The following UNC13C variants were observed in gnomAD, a reference collection of about 807,000 sequenced individuals.
The protein encoded by UNC13C is protein unc-13 homolog C.
Under a neutral mutation model 245.4 loss-of-function variants are expected in UNC13C, and 174 were observed. The observed-to-expected ratio is 0.71, with a 90% confidence interval of 0.63 to 0.80. The LOEUF (loss-of-function observed/expected upper bound fraction) is 0.80, where lower values mean the gene tolerates loss of function less well. Ranked by LOEUF, UNC13C falls within the 30% of genes least tolerant of loss-of-function variation. UNC13C has a pLI of 0.00. For synonymous variants in UNC13C, 992 were observed against 895.1 expected (o/e 1.11, Z -1.93); for missense variants, 2,829 against 2,602.9 (o/e 1.09, Z -1.89).
intron 8 of UNC13C, among the ~76,000 whole-genome samples, chr15:54,251,971 T>C (rs751407234): frequency 1.1e-4 from 16 of 152,198 alleles, no homozygotes; most frequent in Non-Finnish European, 1.9e-4. Flanking sequence ...TATTCTTTAT[T>C]TGAAAAATAA....
rs895569622 is a variant in UNC13C at position 54,292,382 on chromosome 15, G to A, written c.3819-1513G>A. Among the ~76,000 whole-genome samples the A allele has an allele frequency of 8.6e-5, 13 of 151,984 alleles. No homozygotes were observed. The East Asian group carries it at 1.4e-3, about 16-fold the overall frequency. ...GCCTATTCCACTGAATGCCAGTAAC[G>A]TCCGTGAATGTTCGTGAAAACCAAA... On this transcript the variant is annotated intron_variant, in intron 10 of 32. Coordinates refer to ENST00000260323, the MANE Select transcript of UNC13C (RefSeq NM_001080534.3).
chr15:54,552,389 A>G (rs1314024420), intron 28 of UNC13C, among the ~76,000 whole-genome samples: 1 of 97,720 alleles, frequency 1.0e-5, no homozygotes, highest in East Asian at 2.6e-4. Context: ...AGCATATAAT[A>G]TAATATATAA....
intron 10 of UNC13C, among the ~76,000 whole-genome samples, chr15:54,283,018 G>A (rs12441610): frequency 0.054 from 8,187 of 152,178 alleles, 494 homozygotes; most frequent in East Asian, 0.22. Context: ...ACATGAAAAC[G>A]TAGAAAACCA....
At chr15:53,838,709 T>G in the UNC13C span, among the ~76,000 whole-genome samples, 14 of 152,144 alleles carry the variant, frequency 9.2e-5, no homozygotes, top group South Asian at 2.7e-3. Flanking sequence ...TGACCTATAA[T>G]TTTTTGTTCT....
chr15:54,298,368 A>G (rs1483659618), intron 12 of UNC13C, among the ~76,000 whole-genome samples: 1 of 152,188 alleles, frequency 6.6e-6, no homozygotes, highest in African/African-American at 2.4e-5. Context: ...TTTATTGAAG[A>G]TTTAATTAGG....
intron 17 of UNC13C, among the ~76,000 whole-genome samples, chr15:54,371,377 G>T (rs905637907): frequency 8.5e-5 from 13 of 152,060 alleles, no homozygotes; most frequent in African/African-American, 2.9e-4. Context: ...TAAGCTCTTA[G>T]GTCCAATTAA....
intron 30 of UNC13C, among the ~76,000 whole-genome samples, chr15:54,617,840 G>A (rs1327854357): frequency 1.3e-5 from 2 of 152,054 alleles, no homozygotes; most frequent in Non-Finnish European, 2.9e-5. Flanking sequence ...GAGGAGCTAT[G>A]GGGCAGATGA....
chr15:54,013,059 C>A lies in UNC13C; in HGVS notation c.156C>A (p.Ser52=). Residue 52 remains serine (S), a synonymous_variant, in exon 2 of 33, where the codon TCC becomes TCA. Coordinates refer to ENST00000260323, the MANE Select transcript of UNC13C (RefSeq NM_001080534.3). ...QDFPTAGQTK[S]PKFSYTFKST... is the part of the protein sequence containing the mutation. Reference sequence around the variant, plus strand: ...TCCCCACTGCTGGCCAGACCAAATCCCCCAAATTTTCTTACACTTTTAAAA... The same window carrying A: ...TCCCCACTGCTGGCCAGACCAAATCACCCAAATTTTCTTACACTTTTAAAA... 6.2e-7 allele frequency: 1 copy of A among 1,613,816 alleles called. No homozygotes were observed. Among genetic ancestry groups the A allele is most frequent in the Non-Finnish European group, 8.5e-7 (1 of 1,179,832 alleles).
chr15:53,863,269 C>T, the UNC13C span, among the ~76,000 whole-genome samples: 5 of 152,260 alleles, frequency 3.3e-5, no homozygotes, highest in South Asian at 6.2e-4. Context: ...GATGCTCTAC[C>T]CTCCAGGCTG....
At chr15:54,575,553 C>T (rs2141229313) in intron 30 of UNC13C, among the ~76,000 whole-genome samples, 1 of 150,300 alleles carries the variant, frequency 6.7e-6, no homozygotes, top group South Asian at 2.1e-4. Flanking sequence ...GGCAGAAAAA[C>T]TGTTCTCAAA....
the UNC13C span, among the ~76,000 whole-genome samples, chr15:53,970,128 CCTCA>C: frequency 6.6e-6 from 1 of 151,394 alleles, no homozygotes; most frequent in Non-Finnish European, 1.5e-5. Context: ...TTGGCTCACT[CCTCA>C]CTCCAACCTT....
chr15:53,909,535 C>T, the UNC13C span, among the ~76,000 whole-genome samples: 7 of 146,060 alleles, frequency 4.8e-5, 1 homozygote, highest in South Asian at 4.6e-4. Context: ...GGGTGGATCA[C>T]GAGGTCAGGA....
At chr15:54,048,546 G>A in intron 2 of UNC13C, 1 of 507,724 alleles carries the variant, frequency 2.0e-6, no homozygotes, top group Non-Finnish European at 3.8e-6. Context: ...CTCTTTAAAT[G>A]GAAGACTTTT....
intron 32 of UNC13C, among the ~76,000 whole-genome samples, chr15:54,625,937 T>A (rs1308559127): frequency 2.6e-5 from 4 of 152,120 alleles, no homozygotes; most frequent in African/African-American, 9.7e-5. Flanking sequence ...CCCCTAGACT[T>A]CCATTTTCTT....
At chr15:54,362,396 C>T (rs1263532552) in intron 17 of UNC13C, among the ~76,000 whole-genome samples, 1 of 152,206 alleles carries the variant, frequency 6.6e-6, no homozygotes, top group Admixed American at 6.5e-5. Flanking sequence ...ATGACTATTT[C>T]TCCTACTGGT....
intron 4 of UNC13C, among the ~76,000 whole-genome samples, chr15:54,174,097 T>C (rs2033520982): frequency 6.6e-6 from 1 of 152,174 alleles, no homozygotes. Flanking sequence ...TAAATGCAAC[T>C]TGTTAATATT....
chr15:54,282,928 A>G (rs1486407298), intron 10 of UNC13C, among the ~76,000 whole-genome samples: 1 of 152,186 alleles, frequency 6.6e-6, no homozygotes, highest in African/African-American at 2.4e-5. Context: ...GGGTCTTTAT[A>G]GGCACAGGAT....
At chr15:54,127,534 A>T in intron 2 of UNC13C, among the ~76,000 whole-genome samples, 1 of 151,922 alleles carries the variant, frequency 6.6e-6, no homozygotes, top group East Asian at 1.9e-4. Flanking sequence ...AGAGGGGAAC[A>T]TCACACACTG....
At chr15:54,221,055 A>T (rs1292306277) in intron 4 of UNC13C, among the ~76,000 whole-genome samples, 1 of 152,096 alleles carries the variant, frequency 6.6e-6, no homozygotes, top group East Asian at 1.9e-4. Context: ...TTAGACTCTG[A>T]ATCAGAAGTT....
Sources: gnomAD v4.1 joint callset for allele counts (sites outside exome capture counted in the v4.1 genomes callset) on GRCh38, gnomAD v4.1.1 for gene constraint, MANE v1.5 for transcripts, NCBI Gene and HGNC (gene_info 2026-07-23, HGNC 2026-07-21) for gene names.